Variants in PPIL3 observed in about 807,000 individuals in gnomAD.
PPIL3 encodes peptidyl-prolyl cis-trans isomerase-like 3.
In PPIL3, 13 loss-of-function variants were observed where a neutral mutation model predicts 20.9. That is an observed-to-expected ratio of 0.62 (90% CI 0.40 to 0.99). The LOEUF is 0.99. Among genes scored for constraint, PPIL3 ranks in the 50% least tolerant of loss-of-function variants. The pLI is 0.00. For missense variants in PPIL3, 170 were observed against 195.2 expected (o/e 0.87, Z 0.77); for synonymous variants, 71 against 64.4 (o/e 1.10, Z -0.49).
At chr2:200,884,146 T>TCAAGCC (rs57893569) in intron 3 of PPIL3, among the ~76,000 whole-genome samples, 1 of 152,128 alleles carries the variant, frequency 6.6e-6, no homozygotes, top group Non-Finnish European at 1.5e-5. Flanking sequence ...GTGCAGTGGC[T>TCAAGCC]TTGGGCAGCA....
At chr2:200,879,464 C>T (rs145045880) in intron 5 of PPIL3, among the ~76,000 whole-genome samples, 2 of 152,130 alleles carry the variant, frequency 1.3e-5, no homozygotes, top group Non-Finnish European at 2.9e-5. Context: ...CATCTAGGAA[C>T]CTTAAAATAT....
At chr2:200,872,777 C>T (rs1025577662) in intron 6 of PPIL3, among the ~76,000 whole-genome samples, 1 of 152,122 alleles carries the variant, frequency 6.6e-6, no homozygotes, top group Non-Finnish European at 1.5e-5. Context: ...GATTTCTTTG[C>T]TACAGGAAAT....
chr2:200,874,092 C>A (rs1187550956), intron 6 of PPIL3, among the ~76,000 whole-genome samples: 1 of 150,840 alleles, frequency 6.6e-6, no homozygotes, highest in Non-Finnish European at 1.5e-5. Context: ...GTAGTCCCAG[C>A]TACTTGGGAG....
intron 5 of PPIL3, among the ~76,000 whole-genome samples, chr2:200,877,851 G>T (rs928224696): frequency 1.3e-5 from 2 of 152,176 alleles, no homozygotes; most frequent in African/African-American, 4.8e-5. Context: ...AGGACTGAAC[G>T]ATCTAAGAAA....
intron 2 of PPIL3, among the ~76,000 whole-genome samples, chr2:200,887,373 G>C (rs1483364028): frequency 3.5e-5 from 2 of 57,816 alleles, no homozygotes; most frequent in East Asian, 5.9e-4. Flanking sequence ...AGACAAGAGT[G>C]AAACTCAAAA....
chr2:200,871,389 T>C lies in PPIL3; in HGVS notation c.*6A>G, dbSNP rs11892119. 0.13 allele frequency: 204,827 copies of C among 1,604,924 alleles called. 16,139 individuals carry two copies. Among genetic ancestry groups the C allele is most frequent in the African/African-American group, 0.37 (27,815 of 74,448 alleles). ...TTGTCAAGTTATTTGTCCAGGTCTATCATAGCTACTGAGCAAATGGGTTGG... is the reference window on the plus strand; with the variant it reads ...TTGTCAAGTTATTTGTCCAGGTCTACCATAGCTACTGAGCAAATGGGTTGG... On this transcript the variant is annotated 3_prime_UTR_variant, in exon 7 of 7. Coordinates refer to ENST00000392283, the MANE Select transcript of PPIL3 (RefSeq NM_130906.3).
intron 5 of PPIL3, 95 bp downstream of exon 5, chr2:200,881,326 A>G (rs954638951): frequency 1.1e-6 from 1 of 885,862 alleles, no homozygotes; most frequent in Non-Finnish European, 1.7e-6. Flanking sequence ...TTCATTTTGC[A>G]ATGATGTTAA....
rs200539089 is a variant in PPIL3, at chr2:200,876,960, G to A, written c.318C>T (p.Gly106=). ...TNGSQFFITY[G]KQPHLDMKYT... ...ATTTCATGTCCAAATGTGGCTGTTT[G>A]CCATAGGTGATGAAGAACTGAGATC... Residue 106 remains glycine, a synonymous_variant, in exon 6 of 7, where the codon GGC becomes GGT. Transcript: ENST00000392283. 17 of 1,613,564 alleles carry A rather than the reference G, an allele frequency of 1.1e-5. No individual in the cohort carries two copies. The Admixed American group carries it at 2.8e-4, about 27-fold the overall frequency.
chr2:200,885,793 G>A, intron 2 of PPIL3, 21 bp from the exon 3 acceptor site: 1 of 1,435,050 alleles, frequency 7.0e-7, no homozygotes. Context: ...GAGAAAATGT[G>A]AGAACAAATG....
At chr2:200,885,848 G>T in intron 2 of PPIL3, 76 bp from the exon 3 acceptor site, 2 of 824,404 alleles carry the variant, frequency 2.4e-6, no homozygotes, top group Non-Finnish European at 3.9e-6. Context: ...TCCCTGTGTG[G>T]ATATTCAAGA....
intron 6 of PPIL3, among the ~76,000 whole-genome samples, chr2:200,876,134 GT>G (rs886677890): frequency 8.3e-5 from 12 of 144,762 alleles, no homozygotes; most frequent in East Asian, 2.0e-4. Context: ...AAAAAAAAGT[GT>G]TTTTTTTGTT....
intron 1 of PPIL3, chr2:200,888,238 T>G (rs1230113417): frequency 1.3e-5 from 2 of 152,024 alleles, no homozygotes; most frequent in East Asian, 3.9e-4. Context: ...AGGCATTGGG[T>G]GTCCCTTTTG....
intron 3 of PPIL3, 193 bp downstream of exon 3, chr2:200,885,505 C>A: frequency 1.9e-6 from 1 of 533,198 alleles, no homozygotes; most frequent in Non-Finnish European, 3.2e-6. Flanking sequence ...GAAAAATTAT[C>A]TACGTTCTCT....
chr2:200,871,665 A>AT (rs530296178), intron 6 of PPIL3, 144 bp from the exon 7 acceptor site: 187 of 702,008 alleles, frequency 2.7e-4, no homozygotes, highest in Non-Finnish European at 3.0e-4. Flanking sequence ...CAAAATGTTG[A>AT]TTTTCCATCA....
chr2:200,887,180 T>G (rs1157510820), intron 2 of PPIL3, among the ~76,000 whole-genome samples: 1 of 151,782 alleles, frequency 6.6e-6, no homozygotes, highest in African/African-American at 2.4e-5. Flanking sequence ...AGGTCAGGAG[T>G]TCGAGACCAG....
At chr2:200,880,053 CT>C (rs1299481401) in intron 5 of PPIL3, among the ~76,000 whole-genome samples, 1 of 152,142 alleles carries the variant, frequency 6.6e-6, no homozygotes, top group African/African-American at 2.4e-5. Context: ...AATGAACCAG[CT>C]TGGGCAACAT....
intron 3 of PPIL3, 59 bp from the exon 4 acceptor site, chr2:200,882,494 A>C: frequency 9.7e-7 from 1 of 1,035,038 alleles, no homozygotes; most frequent in Non-Finnish European, 1.5e-6. Flanking sequence ...AAGACAAAAA[A>C]CCAATCATAT....
chr2:200,876,433 A>G (rs2039518992), intron 6 of PPIL3, among the ~76,000 whole-genome samples: 1 of 152,150 alleles, frequency 6.6e-6, no homozygotes, highest in African/African-American at 2.4e-5. Flanking sequence ...AACTTTCCCA[A>G]GGTCACAGGG....
chr2:200,887,854 C>G (rs1032941156), intron 1 of PPIL3, among the ~76,000 whole-genome samples, 169 bp from the exon 2 acceptor site: 1 of 151,868 alleles, frequency 6.6e-6, no homozygotes, highest in Non-Finnish European at 1.5e-5. Flanking sequence ...GTCAGGAGTT[C>G]GAGACCAGCC....
Sources: allele counts gnomAD v4.1 joint callset (sites outside exome capture counted in the v4.1 genomes callset), GRCh38; gene constraint gnomAD v4.1.1; transcripts MANE v1.5; gene names NCBI Gene and HGNC (gene_info 2026-07-23, HGNC 2026-07-21).